The following CLDN16 variants were observed in gnomAD, a reference collection of about 807,000 sequenced individuals.
CLDN16 encodes the protein claudin-16.
CLDN16 carries 13 observed loss-of-function variants against 24.6 expected under a neutral mutation model. The observed-to-expected ratio is 0.53, with a 90% CI of 0.34 to 0.84. The LOEUF (loss-of-function observed/expected upper bound fraction) is 0.84, where lower values mean the gene tolerates loss of function less well. CLDN16 is among the 40% of genes least tolerant of loss of function. CLDN16 has a pLI of 0.01. For synonymous variants in CLDN16, 116 were observed against 106.7 expected (o/e 1.09, Z -0.54); for missense variants, 298 against 292.7 (o/e 1.02, Z -0.13).
chr3:190,382,218 A>C lies in CLDN16; in HGVS notation n.306+7615A>C, dbSNP rs142257260. Among the ~76,000 whole-genome samples the C allele has an allele frequency of 4.2e-3, 639 of 152,226 alleles. 5 individuals are homozygous for C. The highest frequency in any genetic ancestry group is 0.015 in the African/African-American group (608 of 41,560). On this transcript the variant is annotated intron_variant and non_coding_transcript_variant, in intron 3 of 4. Transcript: ENST00000468220. ...AATGTTAACCTTTCACATTAGGTTT[A>C]TTCCAACCTGGTTCACTCAAAACAC...
At chr3:190,295,662 C>T in the CLDN16 span, among the ~76,000 whole-genome samples, 3 of 152,098 alleles carry the variant, frequency 2.0e-5, no homozygotes, top group African/African-American at 7.2e-5. Flanking sequence ...TACATCTTAG[C>T]TCCGTTGTTT....
At chr3:190,364,413 T>G (rs1220197473) in intron 1 of CLDN16, among the ~76,000 whole-genome samples, 1 of 151,960 alleles carries the variant, frequency 6.6e-6, no homozygotes, top group Admixed American at 6.6e-5. Context: ...CTTATGACTT[T>G]GTGGTTCTGA....
intron 1 of CLDN16, among the ~76,000 whole-genome samples, chr3:190,343,708 G>A (rs1358881770): frequency 6.6e-6 from 1 of 151,986 alleles, no homozygotes; most frequent in Non-Finnish European, 1.5e-5. Context: ...GACACAGAAA[G>A]AAAAATATCA....
intron 1 of CLDN16, among the ~76,000 whole-genome samples, chr3:190,348,188 G>C (rs149336418): frequency 1.1e-3 from 168 of 148,512 alleles, no homozygotes; most frequent in Non-Finnish European, 2.1e-3. Flanking sequence ...CTGGGAGGCG[G>C]AGCTTGCAGT....
intron 1 of CLDN16, among the ~76,000 whole-genome samples, chr3:190,344,970 A>G (rs1379492787): frequency 6.6e-6 from 1 of 152,200 alleles, no homozygotes; most frequent in Admixed American, 6.5e-5. Context: ...ACTTTTACTT[A>G]GAAGAGTATG....
chr3:190,354,939 A>G (rs1717737950), intron 1 of CLDN16, among the ~76,000 whole-genome samples: 1 of 152,028 alleles, frequency 6.6e-6, no homozygotes, highest in Non-Finnish European at 1.5e-5. Context: ...ACACCTTACC[A>G]TGTCAAGTGC....
rs1249854366 is a variant in CLDN16, at chr3:190,410,031, G to T, written c.703G>T (p.Val235Leu). 10 of 1,614,068 alleles carry T rather than the reference G, an allele frequency of 6.2e-6. No individual in the cohort carries two copies. The highest frequency in any genetic ancestry group is 8.5e-6 in the Non-Finnish European group (10 of 1,180,006). The part of the protein sequence containing the change: ...TAKMYAVDTR[V>L] The stretch of plus-strand genomic sequence containing the variant: ...CAAAATGTATGCTGTAGACACAAGG[G>T]TGTAAAATGCACGTTTCAGGGTGTG... Residue 235 changes from valine to leucine, a missense_variant, in exon 5 of 5, where the codon GTG (valine) becomes TTG (leucine). Physicochemically the swap from Val to Leu is conservative, Grantham distance 32. Coordinates refer to ENST00000264734, the MANE Select transcript of CLDN16 (RefSeq NM_006580.4).
At chr3:190,295,715 CT>C in the CLDN16 span, among the ~76,000 whole-genome samples, 6 of 152,118 alleles carry the variant, frequency 3.9e-5, no homozygotes, top group Admixed American at 2.0e-4. Flanking sequence ...AGGCCTCAAT[CT>C]AACAATTTGT....
intron 3 of CLDN16, 30 bp from the exon 4 acceptor site, chr3:190,408,284 A>G: frequency 1.9e-6 from 3 of 1,600,042 alleles, no homozygotes; most frequent in South Asian, 1.1e-5. Flanking sequence ...AATGTCCCCT[A>G]TTATTTGTAG....
chr3:190,300,942 G>T, the CLDN16 span, among the ~76,000 whole-genome samples: 3 of 152,202 alleles, frequency 2.0e-5, no homozygotes, highest in Non-Finnish European at 2.9e-5. Context: ...AAATTTGAGA[G>T]AGAATAAAAG....
the CLDN16 span, among the ~76,000 whole-genome samples, chr3:190,309,206 G>A: frequency 6.6e-6 from 1 of 152,302 alleles, no homozygotes; most frequent in South Asian, 2.1e-4. Context: ...AGGATCACAT[G>A]CAATAATGTA....
intron 2 of CLDN16, among the ~76,000 whole-genome samples, chr3:190,402,818 T>C (rs1718998056): frequency 6.6e-6 from 1 of 152,278 alleles, no homozygotes; most frequent in South Asian, 2.1e-4. Flanking sequence ...ATTTCAGAGA[T>C]GTTTTAAGCT....
the CLDN16 span, among the ~76,000 whole-genome samples, chr3:190,309,062 G>C: frequency 6.6e-6 from 1 of 152,134 alleles, no homozygotes; most frequent in Non-Finnish European, 1.5e-5. Flanking sequence ...GGTTCTATAA[G>C]TTATAAGGCC....
At chr3:190,363,588 ATATATATATT>A (rs1717953299) in intron 1 of CLDN16, among the ~76,000 whole-genome samples, 2 of 128,714 alleles carry the variant, frequency 1.6e-5, no homozygotes, top group African/African-American at 5.9e-5. Context: ...ATATATATAT[ATATATATATT>A]TTCTTTCTCC....
intron 2 of CLDN16, among the ~76,000 whole-genome samples, chr3:190,374,268 A>AC (rs1718201086): frequency 1.2e-5 from 1 of 83,712 alleles, no homozygotes; most frequent in African/African-American, 5.2e-5. Context: ...CCTGAAAAAC[A>AC]TTGTGTGTGT....
At chr3:190,320,996 T>G (rs555332162), upstream of CLDN16, among the ~76,000 whole-genome samples, 140 of 152,312 alleles carry the variant, frequency 9.2e-4, no homozygotes, top group Non-Finnish European at 1.6e-3. Context: ...CTATTATCCT[T>G]CTTCCCACCA....
At chr3:190,359,172 TCTC>T (rs1165249740) in intron 1 of CLDN16, among the ~76,000 whole-genome samples, 1 of 152,064 alleles carries the variant, frequency 6.6e-6, no homozygotes, top group East Asian at 1.9e-4. Flanking sequence ...GTTTTAAGCA[TCTC>T]CTGCAACTGC....
chr3:190,360,971 G>T (rs188670533), intron 1 of CLDN16, among the ~76,000 whole-genome samples: 284 of 152,040 alleles, frequency 1.9e-3, no homozygotes, highest in Middle Eastern at 3.4e-3. Context: ...CGTTGTTATT[G>T]TACTTGCTTT....
intron 1 of CLDN16, among the ~76,000 whole-genome samples, chr3:190,356,215 A>G (rs1214719510): frequency 6.6e-6 from 1 of 151,788 alleles, no homozygotes; most frequent in African/African-American, 2.4e-5. Context: ...TCTTTAGATT[A>G]TTTTTATCCT....
Sources: gnomAD v4.1 joint callset for allele counts (sites outside exome capture counted in the v4.1 genomes callset) on GRCh38, gnomAD v4.1.1 for gene constraint, MANE v1.5 for transcripts, NCBI Gene and HGNC (gene_info 2026-07-23, HGNC 2026-07-21) for gene names.